Variants in MAP1S observed in about 807,000 individuals in gnomAD.
The protein encoded by MAP1S is microtubule-associated protein 1S.
Under a neutral mutation model 60.9 loss-of-function variants are expected in MAP1S, and 27 were observed. The observed-to-expected ratio is 0.44, with a 90% CI of 0.33 to 0.61. The LOEUF is 0.61. MAP1S is among the 20% of genes least tolerant of loss of function. The pLI is 0.03. For synonymous variants in MAP1S, 826 were observed against 694.2 expected (o/e 1.19, Z -2.98); for missense variants, 1,608 against 1,486.6 (o/e 1.08, Z -1.34).
chr19:17,730,424 C>T (rs569018190), intron 5 of MAP1S, among the ~76,000 whole-genome samples: 25 of 152,306 alleles, frequency 1.6e-4, no homozygotes, highest in African/African-American at 5.8e-4. Context: ...AGTGATCCTC[C>T]CAGCTCAGCC....
chr19:17,721,615 A>G (rs2080371621), intron 2 of MAP1S, among the ~76,000 whole-genome samples: 1 of 152,186 alleles, frequency 6.6e-6, no homozygotes, highest in Admixed American at 6.5e-5. Flanking sequence ...CAGAGGTTAC[A>G]GTGGGGCTGA....
chr19:17,728,019 A>G lies in MAP1S; in HGVS notation c.2635A>G (p.Thr879Ala). 3 of 1,611,628 alleles carry G rather than the reference A, an allele frequency of 1.9e-6. No individual in the cohort carries two copies. Among genetic ancestry groups the G allele is most frequent in the Non-Finnish European group, 2.5e-6 (3 of 1,179,384 alleles). Residue 879 changes from threonine to alanine, a missense_variant, in exon 5 of 7, where the codon ACT (threonine) becomes GCT (alanine). Thr to Ala is a moderately conservative substitution (Grantham distance 58, BLOSUM62 0). This residue lies in a region of MAP1S where 1,167 missense variants were observed against 961.4 expected (regional missense o/e 1.21). Transcript: ENST00000324096. The stretch of plus-strand genomic sequence containing the variant: ...CTCACGCGCTGCCGCCCCCAAAGCC[A>G]CTCCAGTGGCTGCTGCCAAAACCAA... ...PNSRAAAPKA[T>A]PVAAAKTKGL... is the part of the protein sequence containing the mutation.
rs934794130 is a variant in MAP1S, at chr19:17,725,710, G to A, written c.445-119G>A. On this transcript the variant is annotated intron_variant, in intron 4 of 6. Transcript: ENST00000324096. The surrounding 1 kb of genome is among the most constrained non-coding windows in gnomAD (Gnocchi z 4.2). ...GCGCTGGAGAGGGTTGGGTTTTGGCGGGAGGGCCCTGAGGAGCAGGCCCTG... is the reference window on the plus strand; with the variant it reads ...GCGCTGGAGAGGGTTGGGTTTTGGCAGGAGGGCCCTGAGGAGCAGGCCCTG... 23 of 1,006,532 alleles carry A rather than the reference G, an allele frequency of 2.3e-5. No individual in the cohort carries two copies. The highest frequency in any genetic ancestry group is 3.2e-5 in the South Asian group (2 of 61,760). 62.4% of individuals were successfully genotyped at this position (1,006,532 alleles called of 1,614,324 possible). A position where few individuals can be genotyped will look rare whatever the true frequency, so the allele number is the denominator to read the frequency against.
At chr19:17,723,743 G>A (rs1251329255) in intron 2 of MAP1S, among the ~76,000 whole-genome samples, 14 of 152,088 alleles carry the variant, frequency 9.2e-5, no homozygotes, top group Non-Finnish European at 1.5e-5. Context: ...CTGGCTACTC[G>A]GGAGGCTGAG....
rs760226838 is a variant in MAP1S at position 17,725,810 on chromosome 19, C to G, written c.445-19C>G. The G allele has an allele frequency of 6.3e-7, 1 of 1,598,730 alleles. No individual in the cohort carries two copies. Among genetic ancestry groups the G allele is most frequent in the South Asian group, 1.1e-5 (1 of 89,642 alleles). On this transcript the variant is annotated intron_variant, in intron 4 of 6. Coordinates refer to ENST00000324096, the MANE Select transcript of MAP1S (RefSeq NM_018174.6). This position sits in a 1 kb window ranked among gnomAD's most constrained non-coding sequence, Gnocchi z 4.2. ...TTGCCTGGCTCTAGGTGGTCCCTTA[C>G]CACTCCTCCTCCATACAGATCCGGG...
Position 17,726,324 on chromosome 19 carries a change from G to A in MAP1S, c.940G>A (p.Glu314Lys), listed in dbSNP as rs771531950. Residue 314 changes from glutamate (E) to lysine (K), a missense_variant, in exon 5 of 7, where the codon GAG (glutamate) becomes AAG (lysine). Physicochemically the swap from Glu to Lys is moderately conservative, Grantham distance 56. Transcript: ENST00000324096. Reference protein sequence around the residue: ...LLRRKLAERSEVAAGGGSWDD... With the variant: ...LLRRKLAERSKVAAGGGSWDD... ...GCGGCGCAAACTGGCGGAGCGCTCC[G>A]AGGTGGCTGCTGGTGGGGGCTCCTG... The A allele has an allele frequency of 1.9e-6, 3 of 1,604,148 alleles. No individual in the cohort carries two copies. The South Asian group carries it at 3.3e-5, about 18-fold the overall frequency.
Position 17,727,750 on chromosome 19 carries a change from A to G in MAP1S, c.2366A>G (p.Glu789Gly), listed in dbSNP as rs927696857. The change falls in exon 5 of 7, where the codon GAG becomes GGG. Residue 789 changes from glutamate to glycine, a missense_variant. Transcript: ENST00000324096. This position sits in a 1 kb window ranked among gnomAD's most constrained non-coding sequence, Gnocchi z 4.1. ...AEETPPTSVS[E>G]SLPTLSDSDP... ...GAGACGCCACCCACATCGGTCAGCG[A>G]GTCCCTGCCCACCCTGTCTGACTCG... 1.2e-6 allele frequency: 2 copies of G among 1,607,046 alleles called. No homozygotes were observed. The highest frequency in any genetic ancestry group is 2.7e-5 in the African/African-American group (2 of 74,674).
chr19:17,719,716 C>A, intron 1 of MAP1S, 96 bp downstream of exon 1: 2 of 424,932 alleles, frequency 4.7e-6, no homozygotes, highest in Non-Finnish European at 6.3e-6. Context: ...GCGGCGGCGG[C>A]GGCGGGACCC....
chr19:17,726,766 C>T lies in MAP1S; in HGVS notation c.1382C>T (p.Pro461Leu), dbSNP rs772870907. Residue 461 changes from proline to leucine, a missense_variant, in exon 5 of 7, where the codon CCC (proline) becomes CTC (leucine). Physicochemically the swap from Pro to Leu is moderately conservative, Grantham distance 98. Transcript: ENST00000324096. ...LRFLREPVVT[P>L]QDLEGPGRAE... Reference sequence around the variant, plus strand: ...TTCCTGCGAGAGCCCGTGGTGACGCCCCAGGACCTGGAGGGGCCGGGGCGA... The same window carrying T: ...TTCCTGCGAGAGCCCGTGGTGACGCTCCAGGACCTGGAGGGGCCGGGGCGA... The T allele has an allele frequency of 9.8e-5, 153 of 1,560,094 alleles. No homozygotes were observed. Among genetic ancestry groups the T allele is most frequent in the Non-Finnish European group, 1.2e-4 (140 of 1,156,156 alleles).
Position 17,727,101 on chromosome 19 carries a change from T to C in MAP1S, c.1717T>C (p.Phe573Leu). ...AGCGCCCAGCACGTCCCACTCTGGC[T>C]TCCCGCCGGTGGCAAATGGACCCCG... ...RKAPSTSHSG[F>L]PPVANGPRSP... The change falls in exon 5 of 7, where the codon TTC becomes CTC. Residue 573 changes from phenylalanine (F) to leucine (L), a missense_variant. Transcript: ENST00000324096. This position sits in a 1 kb window ranked among gnomAD's most constrained non-coding sequence, Gnocchi z 4.1. 2 of 1,597,408 alleles carry C rather than the reference T, an allele frequency of 1.3e-6. No individual in the cohort carries two copies. Among genetic ancestry groups the C allele is most frequent in the Non-Finnish European group, 1.7e-6 (2 of 1,173,678 alleles).
intron 5 of MAP1S, chr19:17,729,126 A>G (rs2080470532): frequency 3.3e-5 from 5 of 152,264 alleles, no homozygotes; most frequent in Admixed American, 2.6e-4. Flanking sequence ...AAAATCAGCA[A>G]AGAGAAAAGG....
At chr19:17,722,163 G>A (rs55902091) in intron 2 of MAP1S, among the ~76,000 whole-genome samples, 31,208 of 152,136 alleles carry the variant, frequency 0.21, 4,165 homozygotes, top group Non-Finnish European at 0.29. Flanking sequence ...GGCAAAAAGC[G>A]TGCTAAGGCT....
chr19:17,728,470 A>T (rs2080464259), intron 5 of MAP1S, among the ~76,000 whole-genome samples: 1 of 152,004 alleles, frequency 6.6e-6, no homozygotes, highest in South Asian at 2.1e-4. Flanking sequence ...GCTGATTTCA[A>T]ACTCCTGGCC....
chr19:17,724,711 A>G (rs8111532), intron 3 of MAP1S, among the ~76,000 whole-genome samples: 78,306 of 152,008 alleles, frequency 0.52, 21,249 homozygotes, highest in African/African-American at 0.63. Context: ...TCAGTCTTTA[A>G]GAGACAGAGT....
intron 3 of MAP1S, 30 bp downstream of exon 3, chr19:17,724,238 C>G: frequency 1.3e-6 from 2 of 1,583,714 alleles, no homozygotes; most frequent in Non-Finnish European, 1.7e-6. Flanking sequence ...CTGGAGGGGG[C>G]GGGCTGCTGG....
At position 17,726,578 on chromosome 19, in the gene MAP1S, G is replaced by A; in HGVS notation, c.1194G>A (p.Leu398=). 1 of 1,574,894 alleles carries A rather than the reference G, an allele frequency of 6.3e-7. No homozygotes were observed. The highest frequency in any genetic ancestry group is 8.6e-7 in the Non-Finnish European group (1 of 1,165,788). The stretch of plus-strand genomic sequence containing the variant: ...TGGGCCGGCTGGACATGTATGTGCT[G>A]CACCCGCCCTCCGCCGGCGCCGAGC... ...MGVGRLDMYV[L]HPPSAGAERT... is the part of the protein sequence containing the mutation. Residue 398 remains leucine, a synonymous_variant, in exon 5 of 7, where the codon CTG becomes CTA. Transcript: ENST00000324096.
chr19:17,728,154 G>T lies in MAP1S; in HGVS notation c.2770G>T (p.Ala924Ser). ...CAGAAAGTCCTCAACCCCCAAGACT[G>T]CCACTCGAGGCCCGTCGGGTGAGTA... ...LSRKSSTPKT[A>S]TRGPSGSASS... Residue 924 changes from alanine to serine, a missense_variant, in exon 5 of 7, where the codon GCC becomes TCC. Transcript: ENST00000324096. 6.3e-7 allele frequency: 1 copy of T among 1,594,160 alleles called. No homozygotes were observed. The highest frequency in any genetic ancestry group is 8.6e-7 in the Non-Finnish European group (1 of 1,167,466).
At chr19:17,721,270 A>G in intron 2 of MAP1S, 1 of 538,574 alleles carries the variant, frequency 1.9e-6, no homozygotes, top group Non-Finnish European at 3.4e-6. Flanking sequence ...TTGGCATTGA[A>G]GGGGGAAGAG....
chr19:17,724,381 C>T (rs2080398751), intron 3 of MAP1S, among the ~76,000 whole-genome samples, 173 bp downstream of exon 3: 3 of 152,154 alleles, frequency 2.0e-5, no homozygotes, highest in Admixed American at 1.3e-4. Context: ...CTTCTTCCCT[C>T]CTCTGGGGTG....
Sources: gnomAD v4.1 joint callset for allele counts (sites outside exome capture counted in the v4.1 genomes callset) on GRCh38, gnomAD v4.1.1 for gene constraint, gnomAD v4.1.1 regional missense constraint, Gnocchi (gnomAD v3.1) non-coding constraint, MANE v1.5 for transcripts, NCBI Gene and HGNC (gene_info 2026-07-23, HGNC 2026-07-21) for gene names.